SLC4A8: variants seen among roughly 807,000 people sequenced by gnomAD.
SLC4A8 encodes the protein solute carrier family 4 member 8.
Under a neutral mutation model 125.0 loss-of-function variants are expected in SLC4A8, and 40 were observed. That is an observed-to-expected ratio of 0.32 (90% CI 0.25 to 0.42). The LOEUF (loss-of-function observed/expected upper bound fraction) is 0.42, where lower values mean the gene tolerates loss of function less well. Among genes scored for constraint, SLC4A8 ranks in the 10% least tolerant of loss-of-function variants. The pLI, the probability that SLC4A8 is intolerant of heterozygous loss-of-function variation, is 1.00. For missense variants in SLC4A8, 863 were observed against 1,355.1 expected (o/e 0.64, Z 5.70); for synonymous variants, 456 against 476.0 (o/e 0.96, Z 0.55).
intron 1 of SLC4A8, among the ~76,000 whole-genome samples, chr12:51,399,950 C>T (rs1004310727): frequency 2.0e-5 from 3 of 151,602 alleles, no homozygotes; most frequent in African/African-American, 7.3e-5. Context: ...TGACTGCACT[C>T]CAGTCTGGTG....
In SLC4A8 at chr12:51,457,287, A is replaced by T. The variant is rs1234943642; in HGVS notation, c.575-64A>T. On this transcript the variant is annotated intron_variant, in intron 5 of 24. Coordinates refer to ENST00000453097, the MANE Select transcript of SLC4A8 (RefSeq NM_001039960.3). ...CATGCCCTTTACCCCACTCCACCTG[A>T]TGTTGGCCTTCTTGGGTTCATTAAC... The T allele has an allele frequency of 7.0e-6, 10 of 1,421,308 alleles. No individual in the cohort carries two copies. The East Asian group carries it at 2.1e-4, about 29-fold the overall frequency. 88.0% of individuals were successfully genotyped at this position (1,421,308 alleles called of 1,614,324 possible). A position where few individuals can be genotyped will look rare whatever the true frequency, so the allele number is the denominator to read the frequency against.
intron 5 of SLC4A8, among the ~76,000 whole-genome samples, chr12:51,456,767 T>C (rs1158662121): frequency 6.6e-6 from 1 of 152,222 alleles, no homozygotes; most frequent in Non-Finnish European, 1.5e-5. Flanking sequence ...ATTTTTTTCC[T>C]CCTCAAATCT....
intron 16 of SLC4A8, among the ~76,000 whole-genome samples, chr12:51,483,011 C>G (rs1951068268): frequency 6.6e-6 from 1 of 152,158 alleles, no homozygotes. Context: ...ATGAGGGAGC[C>G]AAGCATATTT....
At chr12:51,493,054 G>C (rs1440189932) in intron 19 of SLC4A8, among the ~76,000 whole-genome samples, 2 of 152,124 alleles carry the variant, frequency 1.3e-5, no homozygotes, top group Non-Finnish European at 2.9e-5. Context: ...TTAGTTTTCA[G>C]CTCTGAGACT....
intron 5 of SLC4A8, among the ~76,000 whole-genome samples, 154 bp from the exon 6 acceptor site, chr12:51,457,197 G>A (rs1223905135): frequency 1.3e-5 from 2 of 152,008 alleles, no homozygotes; most frequent in Non-Finnish European, 2.9e-5. Flanking sequence ...TCATCAAATG[G>A]CACTTTCAGA....
intron 16 of SLC4A8, among the ~76,000 whole-genome samples, chr12:51,480,889 G>A (rs17125850): frequency 0.055 from 8,400 of 152,246 alleles, 712 homozygotes; most frequent in African/African-American, 0.18. Flanking sequence ...TGAGCTTCTT[G>A]CTCCCTGTAT....
At chr12:51,441,088 G>C in intron 2 of SLC4A8, 1 of 1,046,576 alleles carries the variant, frequency 9.6e-7, no homozygotes, top group East Asian at 7.2e-5. Context: ...GATGTACTCA[G>C]TTCAGTGCGT....
chr12:51,467,279 T>C (rs1295591182), intron 11 of SLC4A8: 1 of 152,220 alleles, frequency 6.6e-6, no homozygotes, highest in Non-Finnish European at 1.5e-5. Flanking sequence ...GATAGCTTCT[T>C]TACCTGAGCT....
chr12:51,480,873 A>G (rs1175221010), intron 16 of SLC4A8, among the ~76,000 whole-genome samples: 2 of 152,226 alleles, frequency 1.3e-5, no homozygotes, highest in Non-Finnish European at 2.9e-5. Context: ...TACAACGGGA[A>G]TAGCCTGAGC....
At chr12:51,419,884 T>A (rs1205297994), upstream of SLC4A8, among the ~76,000 whole-genome samples, 3 of 152,090 alleles carry the variant, frequency 2.0e-5, no homozygotes, top group East Asian at 5.8e-4. Context: ...GGGGAGCGAT[T>A]TTCACAGCCA....
At chr12:51,431,934 T>C (rs1008065974) in intron 1 of SLC4A8, among the ~76,000 whole-genome samples, 1 of 152,318 alleles carries the variant, frequency 6.6e-6, no homozygotes. Flanking sequence ...CTTTTGGCAA[T>C]CTTAGCATAC....
At chr12:51,461,131 T>A (rs1364157043) in intron 8 of SLC4A8, 73 bp from the exon 9 acceptor site, 1 of 687,700 alleles carries the variant, frequency 1.5e-6, no homozygotes, top group Non-Finnish European at 2.6e-6. Context: ...AGAAATCTTA[T>A]ACTGTTTAGA....
chr12:51,397,895 C>T (rs577702883), intron 1 of SLC4A8, among the ~76,000 whole-genome samples: 1 of 152,094 alleles, frequency 6.6e-6, no homozygotes, highest in African/African-American at 2.4e-5. Context: ...AGTGAGACCC[C>T]TGTCTCTATA....
intron 1 of SLC4A8, among the ~76,000 whole-genome samples, chr12:51,400,799 C>A (rs1268460365): frequency 6.7e-5 from 6 of 89,288 alleles, no homozygotes; most frequent in East Asian, 3.7e-4. Context: ...CACACACACA[C>A]ACATATATAA....
rs376411493 is a variant in SLC4A8, at chr12:51,507,470, T to C, written c.*32T>C. 35 of 1,376,296 alleles carry C rather than the reference T, an allele frequency of 2.5e-5. No homozygotes were observed. In the African/African-American group the frequency reaches 4.6e-4, roughly 18 times the overall value. 85.3% of individuals were successfully genotyped at this position (1,376,296 alleles called of 1,614,324 possible). A position where few individuals can be genotyped will look rare whatever the true frequency, so the allele number is the denominator to read the frequency against. On this transcript the variant is annotated 3_prime_UTR_variant, in exon 25 of 25. Coordinates refer to ENST00000453097, the MANE Select transcript of SLC4A8 (RefSeq NM_001039960.3). The stretch of plus-strand genomic sequence containing the variant: ...TTGCTGGGATGGAAGATTTGGGCCG[T>C]GTGGTGCCTCAGGGAAGTTCTGGTT...
intron 1 of SLC4A8, among the ~76,000 whole-genome samples, chr12:51,395,649 A>G (rs1229784360): frequency 6.6e-6 from 1 of 152,066 alleles, no homozygotes; most frequent in Non-Finnish European, 1.5e-5. Context: ...TAGCTAGGGG[A>G]GTGTGCAAGG....
chr12:51,485,913 C>T lies in SLC4A8; in HGVS notation c.2286+13C>T, dbSNP rs1951151944. On this transcript the variant is annotated intron_variant, in intron 17 of 24. Transcript: ENST00000453097. ...CAGTGTGTTCAAGGTAAACAGATCT[C>T]AGAGTACTTGGTGCACTCATGTAAT... 1 of 1,438,058 alleles carries T rather than the reference C, an allele frequency of 7.0e-7. No homozygotes were observed. The highest frequency in any genetic ancestry group is 1.4e-5 in the African/African-American group (1 of 71,518). The allele number at this position is 1,438,058 out of a possible 1,614,324, so 89.1% of individuals were successfully genotyped here.
intron 1 of SLC4A8, among the ~76,000 whole-genome samples, chr12:51,439,427 G>T (rs1218717670): frequency 6.6e-6 from 1 of 152,090 alleles, no homozygotes; most frequent in East Asian, 1.9e-4. Context: ...GCTTAGTTTG[G>T]AAGTCGGAGT....
At chr12:51,397,837 C>T (rs111485421) in intron 1 of SLC4A8, among the ~76,000 whole-genome samples, 84 of 152,048 alleles carry the variant, frequency 5.5e-4, no homozygotes, top group African/African-American at 2.0e-3. Context: ...GAGGCTAAGA[C>T]GGGAGGATTG....
Sources: allele counts gnomAD v4.1 joint callset (sites outside exome capture counted in the v4.1 genomes callset), GRCh38; gene constraint gnomAD v4.1.1; transcripts MANE v1.5; gene names NCBI Gene and HGNC (gene_info 2026-07-23, HGNC 2026-07-21).